WDR18: variants seen among roughly 807,000 people sequenced by gnomAD.
The protein encoded by WDR18 is WD repeat-containing protein 18.
In WDR18, 33 loss-of-function variants were observed where a neutral mutation model predicts 49.6. The observed-to-expected ratio is 0.67, with a 90% CI of 0.50 to 0.89. The LOEUF (loss-of-function observed/expected upper bound fraction) is 0.89. Among genes scored for constraint, WDR18 ranks in the 40% least tolerant of loss-of-function variants. The probability of loss-of-function intolerance (pLI) is 0.00; values close to 1 mark genes in which losing one functional copy is unlikely to be tolerated. For synonymous variants in WDR18, 315 were observed against 263.6 expected (o/e 1.19, Z -1.89); for missense variants, 653 against 593.6 (o/e 1.10, Z -1.04).
chr19:984,420 T>G lies in WDR18; in HGVS notation c.67T>G (p.Trp23Gly). The change falls in exon 1 of 10, where the codon TGG becomes GGG. Residue 23 changes from tryptophan (W) to glycine (G), a missense_variant. Transcript: ENST00000585809. ...SAAPMWSCIV[W>G]ELHSGANLLT... ...GGCCCCGATGTGGAGCTGCATCGTG[T>G]GGGAACTTCACTCGGGCGCCAACCT... 1 of 1,604,502 alleles carries G rather than the reference T, an allele frequency of 6.2e-7. No individual in the cohort carries two copies. Among genetic ancestry groups the G allele is most frequent in the South Asian group, 1.1e-5 (1 of 89,470 alleles).
chr19:994,114 G>A (rs1186082914), intron 9 of WDR18, 26 bp downstream of exon 9: 1 of 1,550,530 alleles, frequency 6.4e-7, no homozygotes, highest in Non-Finnish European at 8.7e-7. Context: ...GGAGGGGCGG[G>A]GCCTGAGGCT....
intron 9 of WDR18, 56 bp from the exon 10 acceptor site, chr19:994,157 C>T (rs2038599222): frequency 9.7e-6 from 15 of 1,551,978 alleles, no homozygotes; most frequent in East Asian, 7.2e-5. Context: ...GGTGAGTGGC[C>T]CCCCTCCAGC....
At chr19:992,439 C>T (rs754396353) in intron 8 of WDR18, among the ~76,000 whole-genome samples, 2 of 152,252 alleles carry the variant, frequency 1.3e-5, no homozygotes, top group African/African-American at 2.4e-5. Flanking sequence ...GGCCGATGCC[C>T]CATACTTCGG....
Position 994,322 on chromosome 19 carries a change from T to C in WDR18, c.1277T>C (p.Phe426Ser). ...GACCTGTTCGACTTCTCCACGCGCT[T>C]CATCACGCGGCCGGCCAAGTGAGGC... ...NRDLFDFSTRFITRPAK is the reference protein window; with the variant it reads ...NRDLFDFSTRSITRPAK Residue 426 changes from phenylalanine (F) to serine (S), a missense_variant, in exon 10 of 10, where the codon TTC (phenylalanine) becomes TCC (serine). By Grantham distance (155) the Phe-to-Ser change is radical. Coordinates refer to ENST00000585809, the MANE Select transcript of WDR18 (RefSeq NM_024100.4). 1.2e-6 allele frequency: 2 copies of C among 1,610,312 alleles called. No homozygotes were observed. The highest frequency in any genetic ancestry group is 1.7e-6 in the Non-Finnish European group (2 of 1,179,046).
intron 1 of WDR18, among the ~76,000 whole-genome samples, chr19:985,606 G>A (rs987960906): frequency 6.6e-6 from 1 of 152,096 alleles, no homozygotes; most frequent in African/African-American, 2.4e-5. Flanking sequence ...TTCTGTTCCT[G>A]TACTCCTCCC....
intron 2 of WDR18, among the ~76,000 whole-genome samples, chr19:987,533 T>C (rs2285896): frequency 0.62 from 93,981 of 152,028 alleles, 29,950 homozygotes; most frequent in Non-Finnish European, 0.71. Flanking sequence ...TATAGGCATG[T>C]GCCACCATGC....
chr19:992,030 T>C lies in WDR18; in HGVS notation c.1007T>C (p.Leu336Pro). ...TCAGACTTCAGGCCCAGCCTGCCGCTGCCCCACTTCAACAAGCACCTGCTG... is the reference window on the plus strand; with the variant it reads ...TCAGACTTCAGGCCCAGCCTGCCGCCGCCCCACTTCAACAAGCACCTGCTG... Reference protein sequence around the residue: ...LSSDFRPSLPLPHFNKHLLGA... With the variant: ...LSSDFRPSLPPPHFNKHLLGA... The change falls in exon 8 of 10, where the codon CTG (leucine) becomes CCG (proline). Residue 336 changes from leucine to proline, a missense_variant. By Grantham distance (98) the Leu-to-Pro change is moderately conservative. Transcript: ENST00000585809. 2 of 1,593,298 alleles carry C rather than the reference T, an allele frequency of 1.3e-6. No individual in the cohort carries two copies. The highest frequency in any genetic ancestry group is 1.7e-6 in the Non-Finnish European group (2 of 1,173,898).
At chr19:988,882 C>T (rs1358600940) in intron 2 of WDR18, among the ~76,000 whole-genome samples, 1 of 152,178 alleles carries the variant, frequency 6.6e-6, no homozygotes, top group Non-Finnish European at 1.5e-5. Context: ...CTCATCTTAA[C>T]TTATGATATG....
chr19:990,569 T>A, intron 4 of WDR18: 2 of 897,990 alleles, frequency 2.2e-6, no homozygotes, highest in Non-Finnish European at 3.2e-6. Flanking sequence ...CTGGCCCGGC[T>A]CCCTGGCCAA....
Position 992,139 on chromosome 19 carries a change from G to A in WDR18, c.1098+18G>A. 1 of 1,443,344 alleles carries A rather than the reference G, an allele frequency of 6.9e-7. No homozygotes were observed. The highest frequency in any genetic ancestry group is 9.0e-7 in the Non-Finnish European group (1 of 1,105,418). The allele number at this position is 1,443,344 out of a possible 1,614,324, so 89.4% of individuals were successfully genotyped here. On this transcript the variant is annotated intron_variant, in intron 8 of 9. Transcript: ENST00000585809. ...ACCAGCAGGTACGGCCCCCAGCAGG[G>A]AACCCCCACTGCCCTTTTGTCCCGG...
chr19:993,098 A>G (rs1023255834), intron 8 of WDR18, among the ~76,000 whole-genome samples: 1 of 152,216 alleles, frequency 6.6e-6, no homozygotes, highest in Non-Finnish European at 1.5e-5. Flanking sequence ...GGCATCCGCA[A>G]GGCCCCTCAG....
rs2038595277 is a variant in WDR18 at position 993,949 on chromosome 19, G to A, written c.1099-71G>A. On this transcript the variant is annotated intron_variant, in intron 8 of 9. Transcript: ENST00000585809. ...GCTGAGTGGCTGCCCACGCTGGCGG[G>A]GGTGGGATGGGCAAAGCGTGTGGTG... 7.9e-6 allele frequency: 12 copies of A among 1,517,872 alleles called. No individual in the cohort carries two copies. In the South Asian group the frequency reaches 1.3e-4, roughly 17 times the overall value. 94.0% of individuals were successfully genotyped at this position (1,517,872 alleles called of 1,614,324 possible). A position where few individuals can be genotyped will look rare whatever the true frequency, so the allele number is the denominator to read the frequency against.
upstream of WDR18, among the ~76,000 whole-genome samples, chr19:983,219 C>T (rs183696302): frequency 2.6e-5 from 4 of 152,296 alleles, no homozygotes; most frequent in Admixed American, 2.6e-4. Context: ...AAGGCCTAAG[C>T]CCAGGTGTTG....
At chr19:994,153 T>C (rs2038599139) in intron 9 of WDR18, 60 bp from the exon 10 acceptor site, 7 of 1,549,082 alleles carry the variant, frequency 4.5e-6, no homozygotes, top group East Asian at 2.4e-5. Flanking sequence ...TGGGGGTGAG[T>C]GGCCCCCCTC....
Position 991,221 on chromosome 19 carries a change from G to A in WDR18, c.807-6G>A. On this transcript the variant is annotated splice_polypyrimidine_tract_variant and splice_region_variant and intron_variant, in intron 6 of 9. Transcript: ENST00000585809. ...CGTCCCAGGTGACCCCTGTCTGTCT[G>A]TCCAGGAACCAGGTGACTTGCCTGT... The A allele has an allele frequency of 6.4e-7, 1 of 1,571,322 alleles. No homozygotes were observed. Among genetic ancestry groups the A allele is most frequent in the Non-Finnish European group, 8.6e-7 (1 of 1,156,726 alleles).
rs375693135 is a variant in WDR18, at chr19:988,110, G to A, written c.322-1652G>A. On this transcript the variant is annotated intron_variant, in intron 2 of 9. Transcript: ENST00000585809. ...CTCCCAAAGTGCTGGGATGACAGGC[G>A]TGAGCCACTGCAGCTGGCCCTCCTG... Among the ~76,000 whole-genome samples, 180 of 152,064 alleles carry A rather than the reference G, an allele frequency of 1.2e-3. 1 individual carries two copies. The highest frequency in any genetic ancestry group is 3.9e-3 in the African/African-American group (160 of 41,488).
At chr19:990,809 T>C in intron 4 of WDR18, 43 bp from the exon 5 acceptor site, 1 of 1,555,392 alleles carries the variant, frequency 6.4e-7, no homozygotes. Context: ...GTCCTCGGGT[T>C]CCCCCTGCCG....
chr19:990,014 A>C (rs1044278761), intron 3 of WDR18, 119 bp downstream of exon 3: 23 of 1,464,836 alleles, frequency 1.6e-5, no homozygotes, highest in Non-Finnish European at 1.9e-5. Flanking sequence ...AGTGCAGAGG[A>C]CGGAGTGATC....
Position 991,973 on chromosome 19 carries a change from C to G in WDR18, c.950C>G (p.Ala317Gly), listed in dbSNP as rs2038561444. 1.3e-6 allele frequency: 2 copies of G among 1,592,690 alleles called. No homozygotes were observed. The highest frequency in any genetic ancestry group is 2.7e-5 in the African/African-American group (2 of 73,344). Residue 317 changes from alanine (A) to glycine (G), a missense_variant, in exon 8 of 10, where the codon GCC (alanine) becomes GGC (glycine). Transcript: ENST00000585809. ...VALKGPVTNA[A>G]ILLAPVSMLS... ...CCCCCAGGCCCAGTCACCAATGCCG[C>G]CATCCTGCTGGCGCCCGTCAGCATG...
Sources: gnomAD v4.1 joint callset for allele counts (sites outside exome capture counted in the v4.1 genomes callset) on GRCh38, gnomAD v4.1.1 for gene constraint, MANE v1.5 for transcripts, NCBI Gene and HGNC (gene_info 2026-07-23, HGNC 2026-07-21) for gene names.